ESR2: variants seen among roughly 807,000 people sequenced by gnomAD.
ESR2 encodes estrogen receptor beta.
Under a neutral mutation model 49.6 loss-of-function variants are expected in ESR2, and 36 were observed. That is an observed-to-expected ratio of 0.73 (90% CI 0.56 to 0.96). ESR2 has a LOEUF of 0.96. Among genes scored for constraint, ESR2 ranks in the 40% least tolerant of loss-of-function variants. The probability of loss-of-function intolerance (pLI) is 0.00; values close to 1 mark genes in which losing one functional copy is unlikely to be tolerated. For synonymous variants in ESR2, 320 were observed against 266.1 expected (o/e 1.20, Z -1.97); for missense variants, 714 against 693.0 (o/e 1.03, Z -0.34).
intron 6 of ESR2, 40 bp from the exon 7 acceptor site, chr14:64,249,719 A>C: frequency 6.4e-7 from 1 of 1,571,332 alleles, no homozygotes; most frequent in Non-Finnish European, 8.6e-7. Flanking sequence ...ACATAGCTTC[A>C]GGAAACCATC....
intron 7 of ESR2, among the ~76,000 whole-genome samples, chr14:64,244,011 A>G (rs2075796920): frequency 6.6e-6 from 1 of 152,166 alleles, no homozygotes; most frequent in East Asian, 1.9e-4. Context: ...CTTAGGTGTC[A>G]ACTTGACTGG....
intron 7 of ESR2, among the ~76,000 whole-genome samples, chr14:64,235,787 C>T (rs1365762846): frequency 6.6e-6 from 1 of 152,190 alleles, no homozygotes; most frequent in African/African-American, 2.4e-5. Flanking sequence ...TGCAGGAACA[C>T]ATCTGCTTAG....
At chr14:64,287,804 C>T (rs1319248911) in intron 1 of ESR2, among the ~76,000 whole-genome samples, 1 of 152,128 alleles carries the variant, frequency 6.6e-6, no homozygotes, top group South Asian at 2.1e-4. Context: ...GGAAAGACTC[C>T]CCAAAAGATT....
In ESR2 at chr14:64,233,168, T is replaced by G. The variant is rs747065083; in HGVS notation, c.1562A>C (p.Lys521Thr). ...AGACTGTGGGTTCTGGGAGCCCTCT[T>G]TGCTTTTACTGTCCTCTGCCGGGCT... is the stretch of plus-strand genomic sequence containing the variant. Reference protein sequence around the residue: ...ECSPAEDSKSKEGSQNPQSQ With the variant: ...ECSPAEDSKSTEGSQNPQSQ The change falls in exon 9 of 9, where the codon AAA becomes ACA. Residue 521 changes from lysine to threonine, a missense_variant. Coordinates refer to ENST00000341099, the MANE Select transcript of ESR2 (RefSeq NM_001437.3). 6.2e-7 allele frequency: 1 copy of G among 1,613,926 alleles called. No individual in the cohort carries two copies. Among genetic ancestry groups the G allele is most frequent in the East Asian group, 2.2e-5 (1 of 44,886 alleles).
intron 4 of ESR2, among the ~76,000 whole-genome samples, chr14:64,261,261 G>A (rs1249658605): frequency 7.2e-5 from 7 of 97,516 alleles, no homozygotes; most frequent in African/African-American, 2.1e-4. Context: ...TTTTTGAGAC[G>A]GAGCCTTGCT....
intron 7 of ESR2, among the ~76,000 whole-genome samples, chr14:64,245,617 C>T (rs764473703): frequency 2.6e-5 from 4 of 151,834 alleles, no homozygotes; most frequent in African/African-American, 4.8e-5. Context: ...ATGTCTCCCT[C>T]GCCTTCTGTA....
At chr14:64,291,540 T>TTATA (rs748533270) in intron 1 of ESR2, among the ~76,000 whole-genome samples, 1 of 151,844 alleles carries the variant, frequency 6.6e-6, no homozygotes, top group African/African-American at 2.4e-5. Context: ...GACATCAATT[T>TTATA]TATATATATA....
intron 3 of ESR2, among the ~76,000 whole-genome samples, chr14:64,273,108 A>G (rs1289247831): frequency 1.3e-5 from 2 of 151,770 alleles, no homozygotes; most frequent in African/African-American, 4.9e-5. Context: ...ATTTGTAGCT[A>G]CTGTAAATGA....
chr14:64,324,169 T>C (rs1195240699), intron 1 of ESR2, among the ~76,000 whole-genome samples: 1 of 152,208 alleles, frequency 6.6e-6, no homozygotes, highest in Non-Finnish European at 1.5e-5. Flanking sequence ...CAACATTGTA[T>C]CAGGTTGGTC....
chr14:64,282,581 G>A, intron 2 of ESR2, 43 bp downstream of exon 2: 3 of 1,535,466 alleles, frequency 2.0e-6, no homozygotes, highest in Non-Finnish European at 2.6e-6. Context: ...AGTGATTTGA[G>A]AAATGGCTAG....
At chr14:64,333,181 A>G (rs1037831567) in intron 1 of ESR2, among the ~76,000 whole-genome samples, 1 of 152,154 alleles carries the variant, frequency 6.6e-6, no homozygotes, top group Non-Finnish European at 1.5e-5. Context: ...AATTCCATGA[A>G]ATTAAACTGA....
intron 1 of ESR2, among the ~76,000 whole-genome samples, chr14:64,335,667 A>G (rs919872254): frequency 1.3e-5 from 2 of 152,198 alleles, no homozygotes; most frequent in Non-Finnish European, 2.9e-5. Flanking sequence ...ATGAAAGTTC[A>G]GGGGACACAA....
rs769639263 is a variant in ESR2, at chr14:64,282,687, G to T, written c.299C>A (p.Ala100Glu). The T allele has an allele frequency of 1.9e-6, 3 of 1,613,622 alleles. No individual in the cohort carries two copies. Among genetic ancestry groups the T allele is most frequent in the Admixed American group, 1.7e-5 (1 of 60,002 alleles). ...ACACCAGGGACTCTTTTGAGGTTCC[G>T]CATACAGATGTGATAACTGGCGATG... ...VVHRQLSHLY[A>E]EPQKSPWCEA... is the part of the protein sequence containing the mutation. Residue 100 changes from alanine to glutamate, a missense_variant, in exon 2 of 9, where the codon GCG becomes GAG. Physicochemically the swap from Ala to Glu is moderately radical, Grantham distance 107. Coordinates refer to ENST00000341099, the MANE Select transcript of ESR2 (RefSeq NM_001437.3).
intron 7 of ESR2, among the ~76,000 whole-genome samples, chr14:64,236,612 C>CT (rs2075606095): frequency 6.6e-6 from 1 of 152,162 alleles, no homozygotes; most frequent in Non-Finnish European, 1.5e-5. Flanking sequence ...GAGTCCCCCT[C>CT]TCAACTCCCT....
chr14:64,286,945 G>A (rs1373543309), intron 1 of ESR2, among the ~76,000 whole-genome samples: 1 of 151,678 alleles, frequency 6.6e-6, no homozygotes, highest in Non-Finnish European at 1.5e-5. Flanking sequence ...TTGAACTCCT[G>A]ACCTCAAGTG....
At chr14:64,248,926 C>G (rs186705796) in intron 7 of ESR2, among the ~76,000 whole-genome samples, 22 of 152,296 alleles carry the variant, frequency 1.4e-4, no homozygotes, top group Admixed American at 1.4e-3. Flanking sequence ...CTGCCCAAAG[C>G]CTGGGCAGCA....
intron 1 of ESR2, among the ~76,000 whole-genome samples, chr14:64,311,427 G>A (rs949719958): frequency 6.6e-6 from 1 of 151,958 alleles, no homozygotes; most frequent in Admixed American, 6.6e-5. Context: ...ATCACTAGAG[G>A]TCAGGAGTTT....
chr14:64,252,912 G>T (rs538849695), intron 6 of ESR2, among the ~76,000 whole-genome samples: 4 of 152,150 alleles, frequency 2.6e-5, no homozygotes, highest in African/African-American at 9.6e-5. Flanking sequence ...CTGGAGTGCA[G>T]TGGCATGATC....
intron 1 of ESR2, among the ~76,000 whole-genome samples, chr14:64,307,361 G>A: frequency 6.7e-6 from 1 of 149,150 alleles, no homozygotes; most frequent in Admixed American, 6.7e-5. Flanking sequence ...ACAGGCATGT[G>A]CCACCATGCC....
Sources: allele counts gnomAD v4.1 joint callset (sites outside exome capture counted in the v4.1 genomes callset), GRCh38; gene constraint gnomAD v4.1.1; transcripts MANE v1.5; gene names NCBI Gene and HGNC (gene_info 2026-07-23, HGNC 2026-07-21).